NLGN1: variants seen among roughly 807,000 people sequenced by gnomAD.
NLGN1 encodes neuroligin-1.
NLGN1 carries 12 observed loss-of-function variants against 65.5 expected under a neutral mutation model. The ratio of observed to expected loss-of-function variants is 0.18; its 90% CI spans 0.12 to 0.30. The LOEUF (loss-of-function observed/expected upper bound fraction) is 0.30, where lower values mean the gene tolerates loss of function less well. Among genes scored for constraint, NLGN1 ranks in the 10% least tolerant of loss-of-function variants. NLGN1 has a pLI of 1.00. For synonymous variants in NLGN1, 350 were observed against 359.5 expected (o/e 0.97, Z 0.30); for missense variants, 750 against 1,007.1 (o/e 0.74, Z 3.46).
At chr3:173,852,355 C>CAAAAAAAAAAAAA (rs71162367) in intron 4 of NLGN1, among the ~76,000 whole-genome samples, 1 of 46,650 alleles carries the variant, frequency 2.1e-5, no homozygotes, top group Non-Finnish European at 3.6e-5. Flanking sequence ...GACTCCGTCT[C>CAAAAAAAAAAAAA]AAAAAAAAAA....
At chr3:174,022,444 G>C (rs1420186599) in intron 4 of NLGN1, among the ~76,000 whole-genome samples, 1 of 152,118 alleles carries the variant, frequency 6.6e-6, no homozygotes, top group Admixed American at 6.6e-5. Context: ...AGATGAAAGA[G>C]AGAGTCATCT....
intron 4 of NLGN1, among the ~76,000 whole-genome samples, chr3:173,998,539 A>C (rs570704752): frequency 6.6e-6 from 1 of 152,332 alleles, no homozygotes; most frequent in East Asian, 1.9e-4. Context: ...TTAAAGCCCA[A>C]ATTATGATAC....
chr3:174,187,430 C>G (rs1731613072), intron 4 of NLGN1, among the ~76,000 whole-genome samples: 1 of 151,952 alleles, frequency 6.6e-6, no homozygotes, highest in African/African-American at 2.4e-5. Flanking sequence ...ATGTCAATAC[C>G]TTAACATTGT....
At position 173,623,101 on chromosome 3, in the gene NLGN1, A is replaced by G. The variant is rs144904550; in HGVS notation, c.493+18010A>G. On this transcript the variant is annotated intron_variant, in intron 3 of 6. Coordinates refer to ENST00000457714, the Ensembl canonical transcript of NLGN1. Reference sequence around the variant, plus strand: ...AGCCAGCACCGTGTTTTTTTTCATAATCATTCGACAGCAACATATAGTATT... The same window carrying G: ...AGCCAGCACCGTGTTTTTTTTCATAGTCATTCGACAGCAACATATAGTATT... Among the ~76,000 whole-genome samples the G allele has an allele frequency of 1.8e-3, 274 of 152,218 alleles. 1 individual carries two copies. Among genetic ancestry groups the G allele is most frequent in the Non-Finnish European group, 2.9e-3 (194 of 68,002 alleles).
At chr3:173,704,339 C>T (rs1266931651) in intron 3 of NLGN1, among the ~76,000 whole-genome samples, 1 of 152,098 alleles carries the variant, frequency 6.6e-6, no homozygotes, top group East Asian at 1.9e-4. Flanking sequence ...AATTGGTGGC[C>T]AAGCTGTAGT....
intron 4 of NLGN1, among the ~76,000 whole-genome samples, chr3:174,068,332 A>G (rs1292179896): frequency 3.3e-5 from 5 of 152,172 alleles, no homozygotes; most frequent in African/African-American, 1.2e-4. Context: ...CCGTGAGCCC[A>G]GTATGCTAGA....
At chr3:173,813,642 C>T (rs1718440569) in intron 4 of NLGN1, among the ~76,000 whole-genome samples, 1 of 152,104 alleles carries the variant, frequency 6.6e-6, no homozygotes, top group Non-Finnish European at 1.5e-5. Flanking sequence ...TTGGTAAAAT[C>T]ATATTTGAAT....
chr3:173,667,163 T>A (rs572563407), intron 3 of NLGN1, among the ~76,000 whole-genome samples: 1 of 152,134 alleles, frequency 6.6e-6, no homozygotes, highest in African/African-American at 2.4e-5. Flanking sequence ...GTAACATTAT[T>A]TGTTGGATTT....
chr3:173,570,413 G>A (rs1275199490), intron 2 of NLGN1, among the ~76,000 whole-genome samples: 2 of 152,176 alleles, frequency 1.3e-5, no homozygotes, highest in Admixed American at 6.5e-5. Context: ...GGTGGTAGCT[G>A]AAGCTATTCA....
intron 4 of NLGN1, among the ~76,000 whole-genome samples, chr3:173,942,142 A>G (rs9872526): frequency 7.8e-4 from 96 of 122,912 alleles, no homozygotes; most frequent in East Asian, 2.1e-3. Flanking sequence ...GTGTGTGTGT[A>G]TGTGTGTGTG....
chr3:173,782,591 G>A (rs1398694628), intron 3 of NLGN1, among the ~76,000 whole-genome samples: 2 of 151,944 alleles, frequency 1.3e-5, no homozygotes, highest in African/African-American at 4.8e-5. Flanking sequence ...AATAACTGTA[G>A]GTATTTTATC....
At chr3:174,146,468 TCAG>T (rs1723294511) in intron 4 of NLGN1, among the ~76,000 whole-genome samples, 1 of 152,168 alleles carries the variant, frequency 6.6e-6, no homozygotes, top group Non-Finnish European at 1.5e-5. Flanking sequence ...ATGTTAATGA[TCAG>T]CAAACGTGTT....
intron 4 of NLGN1, among the ~76,000 whole-genome samples, chr3:174,051,758 C>T (rs1356380026): frequency 6.6e-6 from 1 of 152,032 alleles, no homozygotes; most frequent in Non-Finnish European, 1.5e-5. Flanking sequence ...TCCAAAAAGA[C>T]TGTGGAATTA....
chr3:173,587,820 T>C (rs1452571665), intron 2 of NLGN1, among the ~76,000 whole-genome samples: 1 of 149,934 alleles, frequency 6.7e-6, no homozygotes, highest in Non-Finnish European at 1.5e-5. Flanking sequence ...GCTTGACAGC[T>C]GCACCTGTCC....
At chr3:174,262,140 A>G (rs1186910743) in intron 4 of NLGN1, among the ~76,000 whole-genome samples, 1 of 76,640 alleles carries the variant, frequency 1.3e-5, no homozygotes, top group Non-Finnish European at 2.4e-5. Flanking sequence ...TTGGTCTAAA[A>G]TTCTCTTTTT....
At chr3:173,655,905 A>G (rs1759951025) in intron 3 of NLGN1, among the ~76,000 whole-genome samples, 1 of 152,162 alleles carries the variant, frequency 6.6e-6, no homozygotes. Context: ...CAAAGCAAGG[A>G]AAGAATGAAG....
At chr3:174,026,541 C>CAT (rs1156437472) in intron 4 of NLGN1, among the ~76,000 whole-genome samples, 9 of 152,078 alleles carry the variant, frequency 5.9e-5, no homozygotes, top group African/African-American at 1.9e-4. Flanking sequence ...AAACACTACT[C>CAT]ATATAAATAA....
intron 4 of NLGN1, chr3:174,136,494 T>C (rs1721244508): frequency 6.6e-6 from 1 of 152,018 alleles, no homozygotes; most frequent in Non-Finnish European, 1.5e-5. Context: ...CAGTGAAAAT[T>C]ACCAATTTAT....
At chr3:173,980,560 C>G (rs1449231071) in intron 4 of NLGN1, among the ~76,000 whole-genome samples, 1 of 151,774 alleles carries the variant, frequency 6.6e-6, no homozygotes, top group African/African-American at 2.4e-5. Context: ...ATAGTTCTTT[C>G]TTGTTGGATT....
Sources: gnomAD v4.1 joint callset for allele counts (sites outside exome capture counted in the v4.1 genomes callset) on GRCh38, gnomAD v4.1.1 for gene constraint, MANE v1.5 for transcripts, NCBI Gene and HGNC (gene_info 2026-07-23, HGNC 2026-07-21) for gene names.